RHEB: variants seen among roughly 807,000 people sequenced by gnomAD.
The protein encoded by RHEB is GTP-binding protein Rheb.
In RHEB, 2 loss-of-function variants were observed where a neutral mutation model predicts 28.8. That is an observed-to-expected ratio of 0.07 (90% confidence interval 0.03 to 0.22). The LOEUF (loss-of-function observed/expected upper bound fraction) is 0.22. Among genes scored for constraint, RHEB ranks in the 10% least tolerant of loss-of-function variants. The pLI, the probability that RHEB is intolerant of heterozygous loss-of-function variation, is 1.00. For missense variants in RHEB, 76 were observed against 219.9 expected (o/e 0.35, Z 4.14); for synonymous variants, 69 against 77.3 (o/e 0.89, Z 0.56).
chr7:151,516,108 A>T (rs1478351416), intron 1 of RHEB, among the ~76,000 whole-genome samples: 1 of 152,162 alleles, frequency 6.6e-6, no homozygotes, highest in Non-Finnish European at 1.5e-5. Flanking sequence ...AATGTCAGGG[A>T]GCTGGTACTT....
At chr7:151,500,600 C>A (rs2888786) in intron 1 of RHEB, among the ~76,000 whole-genome samples, 2,575 of 152,258 alleles carry the variant, frequency 0.017, 57 homozygotes, top group East Asian at 0.12. Flanking sequence ...AATCTCCACA[C>A]TTTGGAGCCA....
chr7:151,486,907 G>GA lies in RHEB; in HGVS notation c.125-2104dup, dbSNP rs147865765. On this transcript the variant is annotated intron_variant, in intron 2 of 7. Coordinates refer to ENST00000262187, the MANE Select transcript of RHEB (RefSeq NM_005614.4). ...AGCTTCTGTAAGTTGCCACTTACAG[G>GA]AAAGACTAGGGGAAGAATACTAGGG... Among the ~76,000 whole-genome samples the GA allele has an allele frequency of 6.6e-3, 1,008 of 152,324 alleles. 5 individuals are homozygous for GA. Among genetic ancestry groups the GA allele is most frequent in the Non-Finnish European group, 0.011 (739 of 68,026 alleles).
Position 151,494,179 on chromosome 7 carries a change from A to T in RHEB, c.53-3165T>A, listed in dbSNP as rs1802635021. ...ATATAATTAAAAAGATTTTTGCAAC[A>T]TTTTGTGTAGTAGAACTGGACTAAA... On this transcript the variant is annotated intron_variant, in intron 1 of 7. Coordinates refer to ENST00000262187, the MANE Select transcript of RHEB (RefSeq NM_005614.4). Among the ~76,000 whole-genome samples the T allele has an allele frequency of 3.9e-5, 6 of 152,356 alleles. No homozygotes were observed. In the South Asian group the frequency reaches 1.2e-3, roughly 32 times the overall value.
At chr7:151,495,525 A>G (rs1274871063) in intron 1 of RHEB, among the ~76,000 whole-genome samples, 1 of 152,224 alleles carries the variant, frequency 6.6e-6, no homozygotes, top group Non-Finnish European at 1.5e-5. Context: ...TATTTTCACT[A>G]CAGAAGGTGT....
In RHEB at chr7:151,490,923, T is replaced by C; in HGVS notation, c.124+20A>G. 6.3e-7 allele frequency: 1 copy of C among 1,578,458 alleles called. No individual in the cohort carries two copies. Among genetic ancestry groups the C allele is most frequent in the East Asian group, 2.2e-5 (1 of 44,704 alleles). ...AAAAGAAGGCTTCTCAGTTTTTAAG[T>C]ACTTGAAAACAATACTTACTGTTTT... On this transcript the variant is annotated intron_variant, in intron 2 of 7. Transcript: ENST00000262187.
intron 1 of RHEB, among the ~76,000 whole-genome samples, chr7:151,494,532 A>G (rs912796460): frequency 6.6e-5 from 10 of 152,268 alleles, no homozygotes; most frequent in Admixed American, 2.0e-4. Context: ...ACTTGAAAAC[A>G]TAAGTAATCA....
At chr7:151,518,874 G>C (rs1343207942) in intron 1 of RHEB, among the ~76,000 whole-genome samples, 1 of 152,088 alleles carries the variant, frequency 6.6e-6, no homozygotes, top group South Asian at 2.1e-4. Context: ...ACCTCTTTTG[G>C]GGGATCGCCT....
At chr7:151,516,313 GA>G (rs1173544304) in intron 1 of RHEB, among the ~76,000 whole-genome samples, 2 of 151,828 alleles carry the variant, frequency 1.3e-5, no homozygotes, top group Admixed American at 6.6e-5. Context: ...CAAAAAAAAA[GA>G]AAAAAAGAAA....
intron 4 of RHEB, 89 bp downstream of exon 4, chr7:151,477,244 C>T (rs890706406): frequency 1.3e-6 from 1 of 795,026 alleles, no homozygotes. Flanking sequence ...TTCTAATTGT[C>T]ACTATTAATA....
intron 3 of RHEB, 74 bp from the exon 4 acceptor site, chr7:151,477,489 T>A: frequency 1.2e-6 from 1 of 804,120 alleles, no homozygotes; most frequent in Admixed American, 2.4e-5. Context: ...AAGTTTTTCA[T>A]GTATTACCTG....
intron 1 of RHEB, among the ~76,000 whole-genome samples, chr7:151,518,872 T>C (rs1340319301): frequency 1.3e-5 from 2 of 152,144 alleles, no homozygotes; most frequent in East Asian, 3.9e-4. Flanking sequence ...GGACCTCTTT[T>C]GGGGGATCGC....
At chr7:151,515,089 G>T (rs1432666313) in intron 1 of RHEB, among the ~76,000 whole-genome samples, 1 of 146,656 alleles carries the variant, frequency 6.8e-6, no homozygotes, top group African/African-American at 2.6e-5. Flanking sequence ...AGAAAGAAAA[G>T]AAACCACCCA....
intron 4 of RHEB, among the ~76,000 whole-genome samples, chr7:151,473,400 C>T (rs972223384): frequency 1.3e-5 from 2 of 152,208 alleles, no homozygotes; most frequent in Non-Finnish European, 1.5e-5. Flanking sequence ...GGGACTGCAG[C>T]CCCTGCTGAT....
At chr7:151,480,528 C>T (rs527755135) in intron 3 of RHEB, among the ~76,000 whole-genome samples, 14 of 151,994 alleles carry the variant, frequency 9.2e-5, no homozygotes, top group Admixed American at 1.3e-4. Context: ...AGGGTAGGAA[C>T]GTCTTAAGTT....
chr7:151,493,893 T>TAA (rs551735546), intron 1 of RHEB, among the ~76,000 whole-genome samples: 3 of 144,386 alleles, frequency 2.1e-5, no homozygotes, highest in Non-Finnish European at 4.6e-5. Context: ...TTAGAAGGAG[T>TAA]AAAAAAAAAA....
intron 1 of RHEB, among the ~76,000 whole-genome samples, chr7:151,511,095 A>T (rs1802979391): frequency 6.6e-6 from 1 of 152,148 alleles, no homozygotes; most frequent in Non-Finnish European, 1.5e-5. Flanking sequence ...AAAAAATAAA[A>T]AAAAAAATAA....
intron 1 of RHEB, among the ~76,000 whole-genome samples, chr7:151,498,604 A>G (rs536075037): frequency 1.2e-4 from 18 of 152,276 alleles, no homozygotes; most frequent in African/African-American, 3.9e-4. Flanking sequence ...CCCTCTCTTA[A>G]AAAGATACCA....
chr7:151,492,175 A>G (rs916807612), intron 1 of RHEB, among the ~76,000 whole-genome samples: 2 of 152,236 alleles, frequency 1.3e-5, no homozygotes, highest in Non-Finnish European at 2.9e-5. Flanking sequence ...GTGAGAGTGA[A>G]GGAGAGGCAT....
At chr7:151,474,433 G>A (rs1187202254) in intron 4 of RHEB, among the ~76,000 whole-genome samples, 1 of 152,068 alleles carries the variant, frequency 6.6e-6, no homozygotes, top group Non-Finnish European at 1.5e-5. Flanking sequence ...TGCCCACTTC[G>A]GCCTCCCAAA....
Sources: allele counts gnomAD v4.1 joint callset (sites outside exome capture counted in the v4.1 genomes callset), GRCh38; gene constraint gnomAD v4.1.1; transcripts MANE v1.5; gene names NCBI Gene and HGNC (gene_info 2026-07-23, HGNC 2026-07-21).